LRP1B: variants seen among roughly 807,000 people sequenced by gnomAD.
LRP1B encodes low-density lipoprotein receptor-related protein 1B.
A neutral mutation model predicts 556.6 loss-of-function variants in LRP1B; 217 were observed. The observed-to-expected ratio is 0.39, with a 90% CI of 0.35 to 0.44. The LOEUF is 0.44. Ranked by LOEUF, LRP1B falls within the 20% of genes least tolerant of loss-of-function variation. The pLI is 1.00. For synonymous variants in LRP1B, 2,047 were observed against 1,865.8 expected, an observed-to-expected ratio of 1.10 and a Z score of -2.50; for missense variants, 5,053 against 5,620.8, an observed-to-expected ratio of 0.90 and a Z score of 3.23.
chr2:141,883,714 A>T (rs974082610), intron 1 of LRP1B, among the ~76,000 whole-genome samples: 1 of 152,084 alleles, frequency 6.6e-6, no homozygotes, highest in East Asian at 1.9e-4. Context: ...ACAGAATGAG[A>T]CCCATCTCAA....
chr2:141,658,934 C>T (rs1287224036), intron 2 of LRP1B, among the ~76,000 whole-genome samples: 2 of 152,062 alleles, frequency 1.3e-5, no homozygotes, highest in East Asian at 1.9e-4. Context: ...GGCAGGGTCT[C>T]GCTCTGTTGC....
intron 7 of LRP1B, among the ~76,000 whole-genome samples, chr2:141,146,792 AT>A (rs1199677824): frequency 6.6e-6 from 1 of 152,058 alleles, no homozygotes; most frequent in Admixed American, 6.6e-5. Flanking sequence ...TTTTCCTGCT[AT>A]TTTTTACTTT....
chr2:142,023,941 C>T (rs574663851), intron 1 of LRP1B, among the ~76,000 whole-genome samples: 6 of 152,296 alleles, frequency 3.9e-5, no homozygotes, highest in African/African-American at 1.4e-4. Flanking sequence ...TTTTCTCTCT[C>T]ATGACTTTTA....
Position 140,457,654 on chromosome 2 carries a change from G to A in LRP1B, c.9626-3C>T, listed in dbSNP as rs763251290. Reference sequence around the variant, plus strand: ...CCCTGGAATATCTTGATTAGGGACTGTAATAGGAGATGGTAAGATTAATGT... The same window carrying A: ...CCCTGGAATATCTTGATTAGGGACTATAATAGGAGATGGTAAGATTAATGT... On this transcript the variant is annotated splice_polypyrimidine_tract_variant and splice_region_variant and intron_variant, in intron 60 of 90. Coordinates refer to ENST00000389484, the MANE Select transcript of LRP1B (RefSeq NM_018557.3). 1.9e-6 allele frequency: 3 copies of A among 1,607,140 alleles called. No individual in the cohort carries two copies. The highest frequency in any genetic ancestry group is 1.3e-5 in the African/African-American group (1 of 74,762).
chr2:140,647,808 T>C (rs1435316877), intron 41 of LRP1B, among the ~76,000 whole-genome samples: 4 of 152,204 alleles, frequency 2.6e-5, no homozygotes, highest in Non-Finnish European at 5.9e-5. Context: ...GGAGAGGATG[T>C]ATAGAAATAG....
intron 2 of LRP1B, among the ~76,000 whole-genome samples, chr2:141,713,046 A>G (rs986951480): frequency 2.6e-5 from 4 of 151,612 alleles, no homozygotes; most frequent in African/African-American, 9.7e-5. Flanking sequence ...TTGAACATGT[A>G]CAAATAAGTC....
In LRP1B at chr2:141,932,814, T is replaced by C. The variant is rs566613545; in HGVS notation, c.83-122413A>G. 9.2e-5 allele frequency among the ~76,000 whole-genome samples: 14 copies of C among 152,108 alleles called. 1 individual carries two copies. The South Asian group carries it at 2.9e-3, about 32-fold the overall frequency. On this transcript the variant is annotated intron_variant, in intron 1 of 90. Transcript: ENST00000389484. The stretch of plus-strand genomic sequence containing the variant: ...TCAATCTTCTAAAAATTAACAAGTA[T>C]GTATTATGTGGTAAATCTGTATAAA...
rs550927531 is a variant in LRP1B at position 140,270,760 on chromosome 2, T to C, written c.13143-414A>G. Among the ~76,000 whole-genome samples the C allele has an allele frequency of 3.9e-5, 6 of 152,098 alleles. No individual in the cohort carries two copies. In the South Asian group the frequency reaches 1.2e-3, roughly 32 times the overall value. ...GTACTCTGGAAAAACGTGCTTTAGC[T>C]TTTCTTCTAAAGTGGAAAATCTGTT... is the stretch of plus-strand genomic sequence containing the variant. On this transcript the variant is annotated intron_variant, in intron 85 of 90. Coordinates refer to ENST00000389484, the MANE Select transcript of LRP1B (RefSeq NM_018557.3).
At chr2:141,505,495 G>A (rs1416045018) in intron 2 of LRP1B, among the ~76,000 whole-genome samples, 5 of 152,024 alleles carry the variant, frequency 3.3e-5, no homozygotes, top group African/African-American at 1.2e-4. Flanking sequence ...CTGTACCTGT[G>A]AAATTTTCAC....
chr2:142,117,000 CTTT>C (rs903409211), intron 1 of LRP1B, among the ~76,000 whole-genome samples: 1 of 152,060 alleles, frequency 6.6e-6, no homozygotes, highest in Non-Finnish European at 1.5e-5. Context: ...CTTCTGCTCC[CTTT>C]TTTTCTTTTC....
chr2:141,803,441 C>T (rs1219045037), intron 2 of LRP1B, among the ~76,000 whole-genome samples: 1 of 151,826 alleles, frequency 6.6e-6, no homozygotes, highest in Non-Finnish European at 1.5e-5. Context: ...AGGGTCAATG[C>T]TTTTTGGCCT....
In LRP1B at chr2:140,923,041, A is replaced by T. The variant is rs918398307; in HGVS notation, c.3243T>A (p.Asp1081Glu). ...CATTGCAACCTTTTTCATCACTACC[A>T]TCTTCACAGTCTTTTTCTCCATCAC... is the stretch of plus-strand genomic sequence containing the variant. ...WRCDGEKDCE[D>E]GSDEKGCNGT... The change falls in exon 21 of 91, where the codon GAT (aspartate) becomes GAA (glutamate). Residue 1081 changes from aspartate (D) to glutamate (E), a missense_variant. Physicochemically the swap from Asp to Glu is conservative, Grantham distance 45. Around this residue, in one of 5 missense-constraint regions of LRP1B, gnomAD observed 3,619 missense variants for 3,931.9 expected, o/e 0.92. Transcript: ENST00000389484. The T allele has an allele frequency of 6.2e-7, 1 of 1,613,208 alleles. No homozygotes were observed. The highest frequency in any genetic ancestry group is 1.3e-5 in the African/African-American group (1 of 74,950).
chr2:141,945,649 T>A (rs931296993), intron 1 of LRP1B, among the ~76,000 whole-genome samples: 3 of 152,000 alleles, frequency 2.0e-5, no homozygotes, highest in Non-Finnish European at 4.4e-5. Context: ...TTCTTGATTA[T>A]AATGCCCACC....
intron 11 of LRP1B, among the ~76,000 whole-genome samples, chr2:141,023,686 C>T (rs1698134105): frequency 6.6e-6 from 1 of 151,898 alleles, no homozygotes; most frequent in Non-Finnish European, 1.5e-5. Context: ...AGGATGTGAG[C>T]AGTGGCCTTA....
intron 15 of LRP1B, among the ~76,000 whole-genome samples, chr2:141,004,309 A>ACTGCC (rs977511033): frequency 2.0e-5 from 3 of 152,116 alleles, no homozygotes; most frequent in African/African-American, 7.2e-5. Context: ...AGTGAAGTAG[A>ACTGCC]CTGCCCTCAG....
intron 53 of LRP1B, 143 bp from the exon 54 acceptor site, chr2:140,503,246 T>A (rs1354177667): frequency 1.3e-6 from 1 of 763,792 alleles, no homozygotes; most frequent in Non-Finnish European, 2.0e-6. Context: ...TCTGTAACAG[T>A]GGTTATAGTT....
chr2:140,855,656 T>C (rs1322264741), intron 27 of LRP1B, among the ~76,000 whole-genome samples: 1 of 151,924 alleles, frequency 6.6e-6, no homozygotes, highest in Admixed American at 6.6e-5. Flanking sequence ...ACTCTCTTGT[T>C]TATTTTTGTT....
At chr2:141,604,687 C>A (rs13406123) in intron 2 of LRP1B, among the ~76,000 whole-genome samples, 4,009 of 152,064 alleles carry the variant, frequency 0.026, 185 homozygotes, top group African/African-American at 0.092. Flanking sequence ...TATTCAAAAA[C>A]CAATCAGTAC....
chr2:140,859,868 A>G (rs1692737250), intron 27 of LRP1B, among the ~76,000 whole-genome samples: 1 of 151,856 alleles, frequency 6.6e-6, no homozygotes, highest in Non-Finnish European at 1.5e-5. Context: ...GGCGGCGGAC[A>G]CCTGTAGTCC....
Sources: gnomAD v4.1 joint callset for allele counts (sites outside exome capture counted in the v4.1 genomes callset) on GRCh38, gnomAD v4.1.1 for gene constraint, gnomAD v4.1.1 regional missense constraint, MANE v1.5 for transcripts, NCBI Gene and HGNC (gene_info 2026-07-23, HGNC 2026-07-21) for gene names.